AOAH: variants seen among roughly 807,000 people sequenced by gnomAD.
AOAH encodes the protein acyloxyacyl hydrolase, also known as acyloxyacyl hydrolase (neutrophil).
A neutral mutation model predicts 92.2 loss-of-function variants in AOAH; 64 were observed. The ratio of observed to expected loss-of-function variants is 0.69; its 90% CI spans 0.57 to 0.86. The LOEUF is 0.86. Among genes scored for constraint, AOAH ranks in the 40% least tolerant of loss-of-function variants. The pLI, the probability that AOAH is intolerant of heterozygous loss-of-function variation, is 0.00. For missense variants in AOAH, 656 were observed against 694.6 expected, an observed-to-expected ratio of 0.94 and a Z score of 0.62; for synonymous variants, 263 against 254.5, an observed-to-expected ratio of 1.03 and a Z score of -0.32.
chr7:36,591,568 C>G (rs923368718), intron 12 of AOAH, among the ~76,000 whole-genome samples: 2 of 152,196 alleles, frequency 1.3e-5, no homozygotes, highest in Admixed American at 1.3e-4. Context: ...TCCCCTTACC[C>G]CATTGCCATG....
chr7:36,608,033 T>C (rs970762467), intron 11 of AOAH, among the ~76,000 whole-genome samples: 2 of 152,354 alleles, frequency 1.3e-5, no homozygotes, highest in African/African-American at 2.4e-5. Flanking sequence ...ACCTTGCCCC[T>C]GCAGGCCATC....
At chr7:36,645,326 C>T (rs1794157441) in intron 4 of AOAH, among the ~76,000 whole-genome samples, 1 of 152,152 alleles carries the variant, frequency 6.6e-6, no homozygotes, top group Non-Finnish European at 1.5e-5. Flanking sequence ...AGAGGTCCCT[C>T]GCCAGAACCT....
chr7:36,536,825 T>C (rs1785088341), intron 16 of AOAH, among the ~76,000 whole-genome samples: 1 of 151,680 alleles, frequency 6.6e-6, no homozygotes, highest in African/African-American at 2.4e-5. Context: ...AGCAGGCGCC[T>C]GTAATCCCAG....
intron 2 of AOAH, among the ~76,000 whole-genome samples, chr7:36,678,608 C>CAT (rs1796447344): frequency 8.4e-6 from 1 of 118,480 alleles, no homozygotes; most frequent in Non-Finnish European, 1.9e-5. Context: ...TGTGCGCGCG[C>CAT]GCGCGCGTTA....
At chr7:36,584,148 A>G (rs1562592517) in intron 12 of AOAH, among the ~76,000 whole-genome samples, 1 of 152,206 alleles carries the variant, frequency 6.6e-6, no homozygotes, top group African/African-American at 2.4e-5. Flanking sequence ...TCGCATAGTG[A>G]AGGCTATAAT....
At chr7:36,522,895 T>G (rs1261298259) in intron 19 of AOAH, among the ~76,000 whole-genome samples, 2 of 152,182 alleles carry the variant, frequency 1.3e-5, no homozygotes, top group Non-Finnish European at 1.5e-5. Context: ...CGTTCTTTAC[T>G]CTTCATTCCC....
chr7:36,564,855 G>A (rs1202886241), intron 13 of AOAH, among the ~76,000 whole-genome samples: 3 of 152,204 alleles, frequency 2.0e-5, no homozygotes, highest in African/African-American at 7.2e-5. Context: ...GCATGAAACA[G>A]TAAGCCAGGA....
chr7:36,688,862 T>C (rs1333221921), intron 1 of AOAH, among the ~76,000 whole-genome samples: 1 of 152,170 alleles, frequency 6.6e-6, no homozygotes. Context: ...TGTATATGTG[T>C]ATCTATACAC....
chr7:36,523,066 C>T (rs1446655128), intron 19 of AOAH, among the ~76,000 whole-genome samples: 1 of 152,160 alleles, frequency 6.6e-6, no homozygotes, highest in Non-Finnish European at 1.5e-5. Flanking sequence ...AATATCCCAG[C>T]ATGGCATCCC....
intron 1 of AOAH, 118 bp downstream of exon 1, chr7:36,723,904 C>A: frequency 1.7e-6 from 2 of 1,179,844 alleles, no homozygotes; most frequent in South Asian, 3.1e-5. Context: ...GTTACTGGTG[C>A]CTTACCTGGA....
chr7:36,647,393 T>C (rs11761597), intron 4 of AOAH, among the ~76,000 whole-genome samples: 29,682 of 152,166 alleles, frequency 0.2, 3,205 homozygotes, highest in Middle Eastern at 0.24. Context: ...AAGGATCTTT[T>C]AGAACCATTC....
intron 1 of AOAH, chr7:36,689,960 G>A: frequency 3.3e-6 from 1 of 305,386 alleles, no homozygotes; most frequent in Non-Finnish European, 6.4e-6. Context: ...TGACCCCAGT[G>A]ATCATAAACC....
At chr7:36,570,819 T>C (rs1788089236) in intron 13 of AOAH, among the ~76,000 whole-genome samples, 1 of 152,236 alleles carries the variant, frequency 6.6e-6, no homozygotes, top group Admixed American at 6.5e-5. Flanking sequence ...TGGATTACAA[T>C]TTGTGCTTTA....
intron 4 of AOAH, among the ~76,000 whole-genome samples, chr7:36,640,838 C>A (rs1051868093): frequency 6.6e-6 from 1 of 152,200 alleles, no homozygotes; most frequent in Admixed American, 6.5e-5. Context: ...AGAAGGACCC[C>A]AGCCTGGCCG....
chr7:36,641,704 G>T (rs79103320), intron 4 of AOAH, among the ~76,000 whole-genome samples: 1 of 151,934 alleles, frequency 6.6e-6, no homozygotes, highest in African/African-American at 2.4e-5. Flanking sequence ...CATACATTTC[G>T]CATTCCCCCA....
chr7:36,516,452 CAG>C lies in AOAH; in HGVS notation c.1600-3074_1600-3073del, dbSNP rs10655023. The stretch of plus-strand genomic sequence containing the variant: ...CACGCAGATACCCCCCCCACACACA[CAG>C]AAAGTGCACGGATACCACACACACA... On this transcript the variant is annotated intron_variant, in intron 20 of 20. Transcript: ENST00000617537. This position sits in a 1 kb window ranked among gnomAD's most constrained non-coding sequence, Gnocchi z 5.0. 0.14 allele frequency among the ~76,000 whole-genome samples: 15,764 copies of C among 116,534 alleles called. 3,810 individuals carry two copies. Among genetic ancestry groups the C allele is most frequent in the Middle Eastern group, 0.24 (48 of 204 alleles). The allele number at this position is 116,534 out of a possible 152,430, so 76.5% of individuals were successfully genotyped here.
intron 11 of AOAH, among the ~76,000 whole-genome samples, chr7:36,604,915 C>T (rs755143854): frequency 2.0e-5 from 3 of 152,238 alleles, no homozygotes; most frequent in Non-Finnish European, 4.4e-5. Context: ...CTCTTTGCTG[C>T]TTTCTGCTCC....
chr7:36,658,447 T>G (rs1795014300), intron 4 of AOAH, among the ~76,000 whole-genome samples: 1 of 152,212 alleles, frequency 6.6e-6, no homozygotes, highest in Non-Finnish European at 1.5e-5. Context: ...GGATTCAATA[T>G]TATCCTCTCA....
Position 36,673,954 on chromosome 7 carries a change from G to A in AOAH, c.279C>T (p.Asp93=). Residue 93 remains aspartate (D), a synonymous_variant, in exon 3 of 21, where the codon GAC becomes GAT. Coordinates refer to ENST00000617537, the MANE Select transcript of AOAH (RefSeq NM_001637.4). ...CATGGCATACTCACAGTTTTATGAT[G>A]TCTGATCCAAACTTGTCAATGACTA... ...CYLVIDKFGS[D]IIKLLSADMN... The A allele has an allele frequency of 6.2e-7, 1 of 1,609,638 alleles. No homozygotes were observed.
Sources: gnomAD v4.1 joint callset for allele counts (sites outside exome capture counted in the v4.1 genomes callset) on GRCh38, gnomAD v4.1.1 for gene constraint, Gnocchi (gnomAD v3.1) non-coding constraint, MANE v1.5 for transcripts, NCBI Gene and HGNC (gene_info 2026-07-23, HGNC 2026-07-21) for gene names.